Variants in VEZT observed in about 807,000 individuals in gnomAD.
VEZT encodes vezatin.
In VEZT, 39 loss-of-function variants were observed where a neutral mutation model predicts 79.9. The ratio of observed to expected loss-of-function variants is 0.49; its 90% CI spans 0.38 to 0.64. VEZT has a LOEUF of 0.64. Ranked by LOEUF, VEZT falls within the 30% of genes least tolerant of loss-of-function variation. VEZT has a pLI of 0.00. For missense variants in VEZT, 837 were observed against 893.1 expected, an observed-to-expected ratio of 0.94 and a Z score of 0.80; for synonymous variants, 325 against 327.6, an observed-to-expected ratio of 0.99 and a Z score of 0.09.
At chr12:95,258,219 C>G (rs1376000779) in intron 3 of VEZT, 1 of 455,786 alleles carries the variant, frequency 2.2e-6, no homozygotes, top group East Asian at 6.9e-5. Context: ...GTCTTATCGT[C>G]TACATATAAT....
At chr12:95,235,515 G>A (rs1282684391) in intron 1 of VEZT, among the ~76,000 whole-genome samples, 25 of 135,416 alleles carry the variant, frequency 1.8e-4, no homozygotes, top group Non-Finnish European at 3.0e-4. Context: ...CTCACCTCCC[G>A]GACGGGGCAG....
intron 1 of VEZT, among the ~76,000 whole-genome samples, chr12:95,227,546 GGCCAGGCTT>G (rs1278330147): frequency 6.6e-6 from 1 of 152,052 alleles, no homozygotes; most frequent in African/African-American, 2.4e-5. Flanking sequence ...TCGCCATGTT[GGCCAGGCTT>G]GTCTCGAACT....
chr12:95,297,038 A>T (rs2074298756), intron 11 of VEZT: 1 of 152,246 alleles, frequency 6.6e-6, no homozygotes, highest in Non-Finnish European at 1.5e-5. Flanking sequence ...TGGTTTGAGC[A>T]CTTTAGTAGA....
rs757954835 is a variant in VEZT at position 95,296,223 on chromosome 12, G to A, written c.1796G>A (p.Arg599Lys). ...GGATTTAAAGCTTCAGAGGCAGAAA[G>A]GCAGAAGTGGAAGCAACTTCTATTT... The part of the protein sequence containing the change: ...VLGFKASEAE[R>K]QKWKQLLFSD... Residue 599 changes from arginine (R) to lysine (K), a missense_variant, in exon 11 of 12, where the codon AGG (arginine) becomes AAG (lysine). Arg to Lys is a conservative substitution (Grantham distance 26). Transcript: ENST00000436874. 1.3e-6 allele frequency: 2 copies of A among 1,587,852 alleles called. No individual in the cohort carries two copies. The highest frequency in any genetic ancestry group is 1.2e-5 in the South Asian group (1 of 86,670).
intron 1 of VEZT, among the ~76,000 whole-genome samples, chr12:95,225,883 A>C (rs1347017459): frequency 6.6e-6 from 1 of 151,622 alleles, no homozygotes; most frequent in African/African-American, 2.4e-5. Context: ...TGAGGCCAGC[A>C]GTTTGAGACC....
chr12:95,253,419 T>C (rs1264902626), intron 2 of VEZT, among the ~76,000 whole-genome samples: 1 of 152,218 alleles, frequency 6.6e-6, no homozygotes, highest in East Asian at 1.9e-4. Context: ...TTAGGAGAGT[T>C]AGAGCTCACA....
chr12:95,253,512 T>TTTGTATGTTCCTG (rs2062953786), intron 2 of VEZT, among the ~76,000 whole-genome samples: 1 of 152,210 alleles, frequency 6.6e-6, no homozygotes, highest in Non-Finnish European at 1.5e-5. Flanking sequence ...TCCTGGGAAG[T>TTTGTATGTTCCTG]GGTTTGTATA....
At chr12:95,251,120 C>T (rs530872933) in intron 1 of VEZT, among the ~76,000 whole-genome samples, 2 of 152,268 alleles carry the variant, frequency 1.3e-5, no homozygotes, top group Non-Finnish European at 2.9e-5. Context: ...AAGCGATTCT[C>T]CTGCCTCAGC....
intron 10 of VEZT, among the ~76,000 whole-genome samples, chr12:95,295,230 G>A (rs1382232124): frequency 2.6e-5 from 4 of 152,096 alleles, no homozygotes; most frequent in Admixed American, 6.5e-5. Context: ...GCGCGATCTC[G>A]GCTCACTGCA....
chr12:95,260,825 C>T (rs1359659513), intron 3 of VEZT, among the ~76,000 whole-genome samples: 1 of 151,986 alleles, frequency 6.6e-6, no homozygotes. Flanking sequence ...TTTTTTCTCC[C>T]CTCTGAACAA....
chr12:95,269,205 CT>C (rs764759799), intron 5 of VEZT, among the ~76,000 whole-genome samples: 64 of 152,274 alleles, frequency 4.2e-4, no homozygotes, highest in Non-Finnish European at 7.5e-4. Flanking sequence ...AAAAATTTAT[CT>C]GATAACCAGG....
rs1291550952 is a variant in VEZT, at chr12:95,282,426, T to A, written c.1110T>A (p.Pro370=). ...CCTTACTTACTCCAGCACTTCTGCC[T>A]CATCGTATCTTATCTGATGTGACTC... is the stretch of plus-strand genomic sequence containing the variant. ...PGPLLTPALL[P]HRILSDVTQG... is the part of the protein sequence containing the mutation. Residue 370 remains proline, a synonymous_variant, in exon 8 of 12, where the codon CCT becomes CCA. Transcript: ENST00000436874. 6.2e-7 allele frequency: 1 copy of A among 1,614,022 alleles called. No individual in the cohort carries two copies. Among genetic ancestry groups the A allele is most frequent in the Admixed American group, 1.7e-5 (1 of 60,020 alleles).
intron 8 of VEZT, 101 bp from the exon 9 acceptor site, chr12:95,287,563 A>G: frequency 8.4e-7 from 1 of 1,183,852 alleles, no homozygotes; most frequent in Non-Finnish European, 1.1e-6. Context: ...TTGGCCTCCC[A>G]AAGTGCTGAG....
At position 95,300,168 on chromosome 12, in the gene VEZT, T is replaced by C; in HGVS notation, c.1835T>C (p.Val612Ala). ...WKQLLFSDHA[V>A]LKSLSPVDPV... The stretch of plus-strand genomic sequence containing the variant: ...TTTTCTTTTTTTTTATTTGAAGCCG[T>C]GTTGAAATCCTTGTCTCCTGTAGAC... The change falls in exon 12 of 12, where the codon GTG (valine) becomes GCG (alanine). Residue 612 changes from valine (V) to alanine (A), a missense_variant. Transcript: ENST00000436874. 1 of 1,425,230 alleles carries C rather than the reference T, an allele frequency of 7.0e-7. No homozygotes were observed. The highest frequency in any genetic ancestry group is 9.2e-7 in the Non-Finnish European group (1 of 1,084,830). The allele number at this position is 1,425,230 out of a possible 1,614,324, so 88.3% of individuals were successfully genotyped here.
intron 1 of VEZT, among the ~76,000 whole-genome samples, chr12:95,233,921 A>C (rs112127483): frequency 9.2e-5 from 14 of 152,192 alleles, no homozygotes; most frequent in African/African-American, 3.4e-4. Flanking sequence ...ATAGACTGGA[A>C]GCTTAGTGGT....
chr12:95,239,780 C>T (rs1302210453), intron 1 of VEZT, among the ~76,000 whole-genome samples: 4 of 152,046 alleles, frequency 2.6e-5, no homozygotes, highest in Admixed American at 6.6e-5. Flanking sequence ...GGTGAAACAC[C>T]ATCTCTACTA....
At position 95,267,508 on chromosome 12, in the gene VEZT, A is replaced by G. The variant is rs555957038; in HGVS notation, c.710+876A>G. On this transcript the variant is annotated intron_variant, in intron 5 of 11. Coordinates refer to ENST00000436874, the MANE Select transcript of VEZT (RefSeq NM_017599.4). ...CTTAATTAGTCGTATCTAGAAAATC[A>G]TGAAAAGAGGGAGTGAAGAACCTCT... Among the ~76,000 whole-genome samples, 226 of 152,294 alleles carry G rather than the reference A, an allele frequency of 1.5e-3. 1 individual carries two copies. The highest frequency in any genetic ancestry group is 1.6e-3 in the Non-Finnish European group (108 of 68,022).
chr12:95,261,438 A>C (rs1272402892), intron 3 of VEZT, among the ~76,000 whole-genome samples: 1 of 151,882 alleles, frequency 6.6e-6, no homozygotes. Flanking sequence ...TTGAGACGGA[A>C]TCTTGCTCTG....
At chr12:95,289,546 C>G (rs2072141412) in intron 9 of VEZT, among the ~76,000 whole-genome samples, 1 of 151,892 alleles carries the variant, frequency 6.6e-6, no homozygotes. Flanking sequence ...AAACTTTCTC[C>G]ACCTCATTGG....
Sources: allele counts gnomAD v4.1 joint callset (sites outside exome capture counted in the v4.1 genomes callset), GRCh38; gene constraint gnomAD v4.1.1; transcripts MANE v1.5; gene names NCBI Gene and HGNC (gene_info 2026-07-23, HGNC 2026-07-21).